TTC27: variants seen among roughly 807,000 people sequenced by gnomAD.
TTC27 encodes the protein tetratricopeptide repeat domain 27.
Under a neutral mutation model 115.9 loss-of-function variants are expected in TTC27, and 79 were observed. The ratio of observed to expected loss-of-function variants is 0.68; its 90% confidence interval spans 0.57 to 0.82. The LOEUF (loss-of-function observed/expected upper bound fraction) is 0.82, where lower values mean the gene tolerates loss of function less well. TTC27 is among the 40% of genes least tolerant of loss of function. TTC27 has a pLI of 0.00. For synonymous variants in TTC27, 401 were observed against 356.0 expected (o/e 1.13, Z -1.42); for missense variants, 1,054 against 993.1 (o/e 1.06, Z -0.82).
At chr2:32,810,826 G>A (rs1441165508) in intron 16 of TTC27, among the ~76,000 whole-genome samples, 198 bp from the exon 17 acceptor site, 1 of 152,214 alleles carries the variant, frequency 6.6e-6, no homozygotes, top group Non-Finnish European at 1.5e-5. Context: ...GGACATCAGA[G>A]AGGTAGTCAC....
chr2:32,630,754 C>T (rs561295313), intron 2 of TTC27, 54 bp downstream of exon 2: 1 of 1,508,738 alleles, frequency 6.6e-7, no homozygotes, highest in African/African-American at 1.4e-5. Context: ...CATTTAATAG[C>T]ACCTTGACAG....
chr2:32,685,922 C>T (rs2151892588), intron 9 of TTC27, among the ~76,000 whole-genome samples: 1 of 152,224 alleles, frequency 6.6e-6, no homozygotes, highest in African/African-American at 2.4e-5. Flanking sequence ...ATATAAACTA[C>T]CTTTATGCAG....
At position 32,682,844 on chromosome 2, in the gene TTC27, G is replaced by GTTTTTTTTT. The variant is rs142030247; in HGVS notation, c.1119+3924_1119+3925insTTTTTTTTT. Among the ~76,000 whole-genome samples, 121 of 56,964 alleles carry GTTTTTTTTT rather than the reference G, an allele frequency of 2.1e-3. 22 individuals are homozygous for GTTTTTTTTT. The highest frequency in any genetic ancestry group is 3.8e-3 in the African/African-American group (50 of 13,296). The allele number at this position is 56,964 out of a possible 152,430, so 37.4% of individuals were successfully genotyped here. On this transcript the variant is annotated intron_variant, in intron 9 of 19. Coordinates refer to ENST00000317907, the MANE Select transcript of TTC27 (RefSeq NM_017735.5). ...CCACCACACCCGGATAATTTTTATT[G>GTTTTTTTTT]TTGTTTTTTTTTTTTTTTTTTTTTT...
chr2:32,674,314 C>G (rs568837513), intron 8 of TTC27, among the ~76,000 whole-genome samples: 1 of 152,040 alleles, frequency 6.6e-6, no homozygotes, highest in East Asian at 2.0e-4. Flanking sequence ...CCACACCTGG[C>G]TAATTTTTGT....
At chr2:32,735,213 T>G (rs1668412249) in intron 11 of TTC27, among the ~76,000 whole-genome samples, 1 of 152,190 alleles carries the variant, frequency 6.6e-6, no homozygotes, top group Admixed American at 6.5e-5. Flanking sequence ...TGAAGGAATC[T>G]CAATAAAACA....
rs193198322 is a variant in TTC27 at position 32,638,627 on chromosome 2, C to T, written c.397-1643C>T. ...CTCCTGACCTCAGGTGATCCACCCG[C>T]GTGGCCTTCCAGAGTGCTGGGATTA... On this transcript the variant is annotated intron_variant, in intron 3 of 19. Transcript: ENST00000317907. Among the ~76,000 whole-genome samples the T allele has an allele frequency of 7.2e-4, 109 of 152,154 alleles. 2 individuals carry two copies. In the South Asian group the frequency reaches 0.013, roughly 18 times the overall value.
At chr2:32,682,555 C>T (rs986900066) in intron 9 of TTC27, among the ~76,000 whole-genome samples, 4 of 152,070 alleles carry the variant, frequency 2.6e-5, no homozygotes, top group South Asian at 2.1e-4. Flanking sequence ...TTTCTTGCTG[C>T]GCATCCATTT....
intron 7 of TTC27, among the ~76,000 whole-genome samples, chr2:32,667,382 A>G (rs1665821001): frequency 7.0e-6 from 1 of 143,648 alleles, no homozygotes; most frequent in South Asian, 2.2e-4. Flanking sequence ...GTATTTATGC[A>G]TGTGTTTTCT....
At chr2:32,730,650 C>G (rs1258453348) in intron 10 of TTC27, among the ~76,000 whole-genome samples, 1 of 145,906 alleles carries the variant, frequency 6.9e-6, no homozygotes, top group Non-Finnish European at 1.5e-5. Flanking sequence ...TTGAGACAGT[C>G]TCACTCTGTC....
chr2:32,692,188 C>T (rs887242177), intron 9 of TTC27, among the ~76,000 whole-genome samples: 4 of 151,494 alleles, frequency 2.6e-5, no homozygotes, highest in South Asian at 4.2e-4. Flanking sequence ...GCCATGAAAG[C>T]GGGGATTTTT....
chr2:32,720,692 T>C (rs993604651), intron 10 of TTC27, among the ~76,000 whole-genome samples: 44 of 152,224 alleles, frequency 2.9e-4, no homozygotes, highest in African/African-American at 1.0e-3. Context: ...CAGTACCCTA[T>C]GTGCTCCTAA....
At chr2:32,782,225 A>AC (rs759065489) in intron 14 of TTC27, among the ~76,000 whole-genome samples, 44 of 152,044 alleles carry the variant, frequency 2.9e-4, no homozygotes, top group African/African-American at 9.7e-4. Context: ...TTTTTTCTTA[A>AC]CCCCCCTATC....
chr2:32,725,741 A>T (rs1029525463), intron 10 of TTC27, among the ~76,000 whole-genome samples: 38 of 151,832 alleles, frequency 2.5e-4, no homozygotes, highest in African/African-American at 9.0e-4. Flanking sequence ...CTCAGTAGGG[A>T]CTCTGTGTGG....
intron 10 of TTC27, among the ~76,000 whole-genome samples, chr2:32,706,442 C>G (rs1667371258): frequency 6.6e-6 from 1 of 151,936 alleles, no homozygotes; most frequent in Admixed American, 6.6e-5. Context: ...AAGTATTAAT[C>G]ATATTATTTG....
chr2:32,730,693 C>G (rs1558314520), intron 10 of TTC27, among the ~76,000 whole-genome samples: 1 of 150,492 alleles, frequency 6.6e-6, no homozygotes, highest in Non-Finnish European at 1.5e-5. Context: ...GTGATCTTGA[C>G]TCACTGCAAC....
chr2:32,653,171 T>C (rs1056453042), intron 5 of TTC27, among the ~76,000 whole-genome samples: 4 of 152,212 alleles, frequency 2.6e-5, no homozygotes, highest in Non-Finnish European at 5.9e-5. Flanking sequence ...TATTGCACTT[T>C]AGCTGTTTGA....
intron 12 of TTC27, among the ~76,000 whole-genome samples, chr2:32,741,399 A>G (rs1196159978): frequency 4.0e-5 from 6 of 151,630 alleles, no homozygotes; most frequent in Non-Finnish European, 2.9e-5. Context: ...ATCCCAGCAC[A>G]TTGGTAGGCT....
rs116140792 is a variant in TTC27, at chr2:32,686,155, C to T, written c.1119+7233C>T. ...TGCAAGACCTCTATGCTGAAAATGA[C>T]GAAGACTGTTGAGAGAAATTAAAGA... On this transcript the variant is annotated intron_variant, in intron 9 of 19. Coordinates refer to ENST00000317907, the MANE Select transcript of TTC27 (RefSeq NM_017735.5). 2.4e-3 allele frequency among the ~76,000 whole-genome samples: 366 copies of T among 152,216 alleles called. 1 individual carries two copies. The highest frequency in any genetic ancestry group is 8.1e-3 in the African/African-American group (337 of 41,540).
At chr2:32,809,994 G>A (rs555608601) in intron 16 of TTC27, among the ~76,000 whole-genome samples, 1 of 152,158 alleles carries the variant, frequency 6.6e-6, no homozygotes, top group South Asian at 2.1e-4. Flanking sequence ...GCGCTCACCT[G>A]TAGTCCCAGC....
Sources: gnomAD v4.1 joint callset for allele counts (sites outside exome capture counted in the v4.1 genomes callset) on GRCh38, gnomAD v4.1.1 for gene constraint, MANE v1.5 for transcripts, NCBI Gene and HGNC (gene_info 2026-07-23, HGNC 2026-07-21) for gene names.